The following JMJD1C variants were observed in gnomAD, a reference collection of about 807,000 sequenced individuals.
JMJD1C encodes the protein jumonji domain-containing protein 1C.
A neutral mutation model predicts 245.3 loss-of-function variants in JMJD1C; 31 were observed. The observed-to-expected ratio is 0.13, with a 90% confidence interval of 0.09 to 0.17. JMJD1C has a LOEUF of 0.17. Ranked by LOEUF, JMJD1C falls within the 10% of genes least tolerant of loss-of-function variation. The pLI is 1.00. For synonymous variants in JMJD1C, 1,057 were observed against 1,017.4 expected (o/e 1.04, Z -0.74); for missense variants, 2,691 against 3,000.2 (o/e 0.90, Z 2.41).
intron 1 of JMJD1C, among the ~76,000 whole-genome samples, chr10:63,458,620 C>T (rs938926847): frequency 2.0e-5 from 3 of 152,058 alleles, no homozygotes; most frequent in Non-Finnish European, 4.4e-5. Context: ...CACCAAAAAT[C>T]GTATTAGTAT....
intron 1 of JMJD1C, among the ~76,000 whole-genome samples, chr10:63,408,828 T>C (rs1949322528): frequency 6.6e-6 from 1 of 151,920 alleles, no homozygotes. Flanking sequence ...ACCAAGATGA[T>C]AGTCACATAA....
intron 2 of JMJD1C, among the ~76,000 whole-genome samples, chr10:63,323,984 A>G (rs917370882): frequency 1.3e-5 from 2 of 151,928 alleles, no homozygotes; most frequent in African/African-American, 4.8e-5. Context: ...CCACATCTGA[A>G]AGCAGGAGAC....
intron 3 of JMJD1C, among the ~76,000 whole-genome samples, chr10:63,234,531 C>T (rs28469525): frequency 1.8e-5 from 1 of 56,458 alleles, no homozygotes; most frequent in Non-Finnish European, 4.1e-5. Context: ...ACACCAAAAA[C>T]AAAAACCTTC....
chr10:63,361,489 A>G (rs1589580658), intron 2 of JMJD1C, among the ~76,000 whole-genome samples: 1 of 152,216 alleles, frequency 6.6e-6, no homozygotes, highest in Non-Finnish European at 1.5e-5. Context: ...CTTGGTATAC[A>G]TCAAATACTA....
At chr10:63,440,313 T>C (rs182361008) in intron 1 of JMJD1C, among the ~76,000 whole-genome samples, 266 of 143,848 alleles carry the variant, frequency 1.8e-3, no homozygotes, top group Middle Eastern at 3.6e-3. Context: ...CCAGCTTGGG[T>C]GACAAGAGCA....
chr10:63,363,853 A>AT (rs759663605), intron 2 of JMJD1C, among the ~76,000 whole-genome samples: 7,183 of 126,446 alleles, frequency 0.057, 593 homozygotes, highest in African/African-American at 0.17. Flanking sequence ...TGCCTGGCTA[A>AT]TTTTTTTTTT....
chr10:63,241,141 G>T (rs1851434937), intron 3 of JMJD1C, among the ~76,000 whole-genome samples: 1 of 152,156 alleles, frequency 6.6e-6, no homozygotes, highest in African/African-American at 2.4e-5. Context: ...TAGAAATTTA[G>T]GGGCAAAATA....
At chr10:63,211,750 T>A (rs1318223805) in intron 8 of JMJD1C, among the ~76,000 whole-genome samples, 1 of 142,430 alleles carries the variant, frequency 7.0e-6, no homozygotes, top group East Asian at 2.1e-4. Context: ...AACACCCATG[T>A]GAGGCAGAGG....
intron 2 of JMJD1C, among the ~76,000 whole-genome samples, chr10:63,313,998 A>T (rs1470236978): frequency 6.6e-6 from 1 of 152,176 alleles, no homozygotes; most frequent in Non-Finnish European, 1.5e-5. Context: ...TCTTTGCCTA[A>T]GCCAATATCT....
intron 2 of JMJD1C, among the ~76,000 whole-genome samples, chr10:63,267,443 C>G (rs927878639): frequency 1.3e-5 from 2 of 152,032 alleles, no homozygotes; most frequent in Non-Finnish European, 2.9e-5. Flanking sequence ...ATGGGTCCTA[C>G]AGCTGGTATG....
At chr10:63,189,493 T>A in intron 17 of JMJD1C, 47 bp from the exon 18 acceptor site, 4 of 1,507,054 alleles carry the variant, frequency 2.7e-6, no homozygotes, top group Non-Finnish European at 3.6e-6. Context: ...TTGAGAGAAA[T>A]CAAATACATT....
chr10:63,488,308 G>A (rs945902121), intron 1 of JMJD1C, among the ~76,000 whole-genome samples: 2 of 152,298 alleles, frequency 1.3e-5, no homozygotes, highest in South Asian at 2.1e-4. Flanking sequence ...TAACCATGTG[G>A]AGCCTCCCTA....
intron 24 of JMJD1C, among the ~76,000 whole-genome samples, chr10:63,169,717 T>C (rs1216652390): frequency 2.0e-5 from 3 of 152,222 alleles, no homozygotes; most frequent in African/African-American, 4.8e-5. Context: ...TCTTTAATCA[T>C]TAGGCTGTTG....
At chr10:63,361,366 T>C (rs907623448) in intron 2 of JMJD1C, among the ~76,000 whole-genome samples, 1 of 152,160 alleles carries the variant, frequency 6.6e-6, no homozygotes, top group Non-Finnish European at 1.5e-5. Flanking sequence ...GAGGTTGCAG[T>C]GAGCTGAGAT....
chr10:63,273,182 T>C (rs1395578129), intron 2 of JMJD1C, among the ~76,000 whole-genome samples: 2 of 152,190 alleles, frequency 1.3e-5, no homozygotes. Flanking sequence ...CTTTTAAATA[T>C]TTAAAATGGG....
chr10:63,195,217 G>A (rs1269281170), intron 13 of JMJD1C, among the ~76,000 whole-genome samples: 3 of 152,100 alleles, frequency 2.0e-5, no homozygotes, highest in Non-Finnish European at 2.9e-5. Flanking sequence ...GCCAGGTGTG[G>A]TGACACATGC....
intron 1 of JMJD1C, among the ~76,000 whole-genome samples, chr10:63,502,633 T>A (rs1260938871): frequency 1.3e-5 from 1 of 79,664 alleles, no homozygotes; most frequent in Non-Finnish European, 2.4e-5. Flanking sequence ...CGAGACTTTG[T>A]CTCAAAAAAA....
chr10:63,246,521 T>C (rs892639964), intron 3 of JMJD1C, among the ~76,000 whole-genome samples: 1 of 151,998 alleles, frequency 6.6e-6, no homozygotes, highest in Admixed American at 6.6e-5. Flanking sequence ...GAGAGAGAAT[T>C]TTTTTTTCCT....
At chr10:63,460,469 T>C (rs1589791064) in intron 1 of JMJD1C, among the ~76,000 whole-genome samples, 1 of 152,084 alleles carries the variant, frequency 6.6e-6, no homozygotes, top group Non-Finnish European at 1.5e-5. Flanking sequence ...CAGTGAGCAA[T>C]GATCACACCA....
Sources: allele counts gnomAD v4.1 joint callset (sites outside exome capture counted in the v4.1 genomes callset), GRCh38; gene constraint gnomAD v4.1.1; transcripts MANE v1.5; gene names NCBI Gene and HGNC (gene_info 2026-07-23, HGNC 2026-07-21).